HPSE2: variants seen among roughly 807,000 people sequenced by gnomAD.
The protein encoded by HPSE2 is heparanase 2 (inactive).
In HPSE2, 38 loss-of-function variants were observed where a neutral mutation model predicts 60.5. The observed-to-expected ratio is 0.63, with a 90% CI of 0.48 to 0.82. HPSE2 has a LOEUF of 0.82. Among genes scored for constraint, HPSE2 ranks in the 40% least tolerant of loss-of-function variants. The pLI, the probability that HPSE2 is intolerant of heterozygous loss-of-function variation, is 0.00. For synonymous variants in HPSE2, 295 were observed against 293.2 expected, an observed-to-expected ratio of 1.01 and a Z score of -0.06; for missense variants, 713 against 740.4, an observed-to-expected ratio of 0.96 and a Z score of 0.43.
intron 3 of HPSE2, among the ~76,000 whole-genome samples, chr10:99,092,078 C>G (rs1843534564): frequency 6.6e-6 from 1 of 152,052 alleles, no homozygotes. Flanking sequence ...AGTTACTGAT[C>G]AAATAAAATT....
intron 5 of HPSE2, among the ~76,000 whole-genome samples, chr10:98,710,963 G>A (rs1589686435): frequency 6.6e-6 from 1 of 152,114 alleles, no homozygotes; most frequent in African/African-American, 2.4e-5. Context: ...AGGGTTGAGA[G>A]ATGGGAGGCT....
intron 4 of HPSE2, among the ~76,000 whole-genome samples, chr10:98,739,315 T>A (rs1039814704): frequency 6.6e-6 from 1 of 151,992 alleles, no homozygotes; most frequent in Admixed American, 6.6e-5. Flanking sequence ...CACACTGTGG[T>A]CTGTCGTGGG....
intron 3 of HPSE2, among the ~76,000 whole-genome samples, chr10:99,019,913 T>C (rs1957224766): frequency 6.6e-6 from 1 of 152,066 alleles, no homozygotes; most frequent in South Asian, 2.1e-4. Flanking sequence ...GGTTTCACCA[T>C]GCTGGCCAGG....
intron 3 of HPSE2, among the ~76,000 whole-genome samples, chr10:98,913,508 A>G (rs1954037358): frequency 6.6e-6 from 1 of 152,230 alleles, no homozygotes; most frequent in African/African-American, 2.4e-5. Context: ...GAGGTGAAGC[A>G]GGGCCCAATA....
intron 10 of HPSE2, among the ~76,000 whole-genome samples, chr10:98,489,490 A>G (rs1202168030): frequency 6.6e-6 from 1 of 152,236 alleles, no homozygotes; most frequent in Non-Finnish European, 1.5e-5. Flanking sequence ...AATTTTTAAA[A>G]TAGCTGAAAA....
chr10:98,557,047 T>TA lies in HPSE2; in HGVS notation c.1320+57856dup. Among the ~76,000 whole-genome samples, 4 of 151,974 alleles carry TA rather than the reference T, an allele frequency of 2.6e-5. No individual in the cohort carries two copies. The South Asian group carries it at 8.3e-4, about 32-fold the overall frequency. On this transcript the variant is annotated intron_variant, in intron 9 of 11. Coordinates refer to ENST00000370552, the MANE Select transcript of HPSE2 (RefSeq NM_021828.5). ...TAACATGGTGAAACCCTGTCTCTAC[T>TA]AAAAATACAAAAAAAATTAGCCGGG...
In HPSE2 at chr10:98,693,942, A is replaced by G. The variant is rs769179482; in HGVS notation, c.962T>C (p.Met321Thr). Residue 321 changes from methionine to threonine, a missense_variant, in exon 6 of 12, where the codon ATG (methionine) becomes ACG (threonine). By Grantham distance (81) the Met-to-Thr change is moderately conservative. Transcript: ENST00000370552. ...ATCTACTGTACTTCCTGCCACCTTC[A>G]TGAATCTGTAAGGAATAGAAAGAAA... ...KNVIALLDGFMKVAGSTVDAV... is the reference protein window; with the variant it reads ...KNVIALLDGFTKVAGSTVDAV... The G allele has an allele frequency of 2.5e-6, 4 of 1,612,066 alleles. No individual in the cohort carries two copies. The Admixed American group carries it at 5.0e-5, about 20-fold the overall frequency.
At chr10:99,302,817 C>T in the HPSE2 span, among the ~76,000 whole-genome samples, 1 of 151,518 alleles carries the variant, frequency 6.6e-6, no homozygotes, top group African/African-American at 2.4e-5. Context: ...CCCAGGAAGA[C>T]ACCCCATAGC....
At chr10:99,270,349 T>C in the HPSE2 span, among the ~76,000 whole-genome samples, 1 of 152,074 alleles carries the variant, frequency 6.6e-6, no homozygotes, top group African/African-American at 2.4e-5. Context: ...AAAAAGATCA[T>C]ACTATGAACA....
chr10:98,692,637 C>T (rs1676003), intron 6 of HPSE2, among the ~76,000 whole-genome samples: 53,369 of 151,534 alleles, frequency 0.35, 9,570 homozygotes, highest in Admixed American at 0.41. Flanking sequence ...GGCATGGGGG[C>T]GGGCGCCTGT....
chr10:98,844,580 GT>G (rs1055158611), intron 3 of HPSE2, among the ~76,000 whole-genome samples: 1 of 152,116 alleles, frequency 6.6e-6, no homozygotes, highest in African/African-American at 2.4e-5. Flanking sequence ...CCATGGATTA[GT>G]AGTAATCATA....
chr10:98,482,482 G>T lies in HPSE2; in HGVS notation c.1613+154C>A, dbSNP rs114637098. Among the ~76,000 whole-genome samples the T allele has an allele frequency of 2.5e-3, 378 of 152,294 alleles. 3 individuals carry two copies. The highest frequency in any genetic ancestry group is 8.7e-3 in the African/African-American group (363 of 41,550). ...GAGGGGCTTGAACATGTTCCCAAAA[G>T]GAGTCAGCAGTCACCTGACCCCAGA... On this transcript the variant is annotated intron_variant, in intron 11 of 11. Coordinates refer to ENST00000370552, the MANE Select transcript of HPSE2 (RefSeq NM_021828.5).
intron 3 of HPSE2, among the ~76,000 whole-genome samples, chr10:99,143,781 T>C (rs550185976): frequency 1.3e-5 from 2 of 152,296 alleles, no homozygotes; most frequent in South Asian, 2.1e-4. Flanking sequence ...CTCTTTGCTC[T>C]TAAGAAGAAA....
chr10:99,196,609 A>T (rs1848407593), intron 2 of HPSE2, among the ~76,000 whole-genome samples: 1 of 152,200 alleles, frequency 6.6e-6, no homozygotes, highest in Non-Finnish European at 1.5e-5. Context: ...GCATATGAAA[A>T]GGTGCTCAAC....
chr10:98,822,298 C>T (rs186197042), intron 3 of HPSE2, among the ~76,000 whole-genome samples: 10 of 152,164 alleles, frequency 6.6e-5, no homozygotes, highest in African/African-American at 2.4e-4. Context: ...ATTCAGCCAC[C>T]TCCATATCAA....
At chr10:99,247,598 G>GTGATT in the HPSE2 span, among the ~76,000 whole-genome samples, 1 of 152,184 alleles carries the variant, frequency 6.6e-6, no homozygotes, top group Non-Finnish European at 1.5e-5. Context: ...ACACAGAGTG[G>GTGATT]TGATTTGATT....
chr10:98,923,891 G>A (rs1954365508), intron 3 of HPSE2, among the ~76,000 whole-genome samples: 1 of 151,966 alleles, frequency 6.6e-6, no homozygotes. Context: ...CTATCTCTCT[G>A]GGATTGATCC....
intron 6 of HPSE2, among the ~76,000 whole-genome samples, chr10:98,648,073 C>G (rs1008402672): frequency 2.6e-5 from 4 of 152,214 alleles, no homozygotes; most frequent in African/African-American, 9.7e-5. Flanking sequence ...GCCTGTATGA[C>G]TTAACCCATA....
At chr10:99,213,761 A>G (rs1208445699) in intron 2 of HPSE2, among the ~76,000 whole-genome samples, 2 of 152,158 alleles carry the variant, frequency 1.3e-5, no homozygotes, top group African/African-American at 4.8e-5. Context: ...CTTATAATCT[A>G]TGCGGCCTTA....
Sources: gnomAD v4.1 joint callset for allele counts (sites outside exome capture counted in the v4.1 genomes callset) on GRCh38, gnomAD v4.1.1 for gene constraint, MANE v1.5 for transcripts, NCBI Gene and HGNC (gene_info 2026-07-23, HGNC 2026-07-21) for gene names.